Variants in WDR20 observed in about 807,000 individuals in gnomAD.
WDR20 encodes WD repeat-containing protein 20.
Under a neutral mutation model 38.7 loss-of-function variants are expected in WDR20, and 3 were observed. That is an observed-to-expected ratio of 0.08 (90% confidence interval 0.04 to 0.20). WDR20 has a LOEUF of 0.20. WDR20 is among the 10% of genes least tolerant of loss of function. The pLI is 1.00. For missense variants in WDR20, 559 were observed against 727.7 expected (o/e 0.77, Z 2.67); for synonymous variants, 298 against 285.6 (o/e 1.04, Z -0.44).
chr14:102,216,065 G>T (rs1233163122), downstream of WDR20, among the ~76,000 whole-genome samples: 1 of 152,188 alleles, frequency 6.6e-6, no homozygotes, highest in Non-Finnish European at 1.5e-5. Context: ...TTGGCAGCCG[G>T]CTGAGCCCTG....
chr14:102,195,257 A>C, intron 2 of WDR20, 137 bp downstream of exon 2: 4 of 903,564 alleles, frequency 4.4e-6, no homozygotes, highest in Non-Finnish European at 6.6e-6. Context: ...AGTATGCCCA[A>C]GTTTAAATGT....
intron 1 of WDR20, among the ~76,000 whole-genome samples, chr14:102,156,901 G>A (rs1040602546): frequency 4.6e-5 from 7 of 152,158 alleles, no homozygotes; most frequent in African/African-American, 1.7e-4. Context: ...TAAGGCAGGA[G>A]AATTGCTTGA....
chr14:102,210,735 G>A (rs1438469559), downstream of WDR20, among the ~76,000 whole-genome samples: 1 of 152,018 alleles, frequency 6.6e-6, no homozygotes, highest in African/African-American at 2.4e-5. Flanking sequence ...TTTTTTGCCG[G>A]GGGCGGGGAG....
At chr14:102,193,607 T>C in intron 1 of WDR20, 1 of 1,238,212 alleles carries the variant, frequency 8.1e-7, no homozygotes, top group East Asian at 2.5e-5. Context: ...TCCAGACTTC[T>C]ACATGTGCAA....
At chr14:102,175,986 A>G (rs2061972593) in intron 1 of WDR20, among the ~76,000 whole-genome samples, 1 of 152,266 alleles carries the variant, frequency 6.6e-6, no homozygotes, top group East Asian at 1.9e-4. Context: ...ATATGATTAT[A>G]TATCATCAGC....
chr14:102,211,110 G>T (rs1405654457), downstream of WDR20, among the ~76,000 whole-genome samples: 2 of 152,200 alleles, frequency 1.3e-5, no homozygotes, highest in Non-Finnish European at 2.9e-5. This position sits in a 1 kb window ranked among gnomAD's most constrained non-coding sequence, Gnocchi z 4.2. Context: ...GCTGCACCAG[G>T]AGCTGCTTTT....
chr14:102,159,346 C>T (rs1240579595), intron 1 of WDR20, among the ~76,000 whole-genome samples: 1 of 152,142 alleles, frequency 6.6e-6, no homozygotes, highest in Non-Finnish European at 1.5e-5. Context: ...TGTCTCAGCC[C>T]TCAAAGTGTG....
chr14:102,202,574 G>C (rs2060652007), intron 2 of WDR20, among the ~76,000 whole-genome samples: 1 of 151,730 alleles, frequency 6.6e-6, no homozygotes. Context: ...TAGAGACAGG[G>C]TTTCACCATA....
At chr14:102,192,930 C>G (rs1228462591) in intron 1 of WDR20, among the ~76,000 whole-genome samples, 1 of 151,814 alleles carries the variant, frequency 6.6e-6, no homozygotes, top group Non-Finnish European at 1.5e-5. Flanking sequence ...ACCTCAGCCT[C>G]CTGAATAACT....
chr14:102,170,323 T>G (rs1046775955), intron 1 of WDR20, among the ~76,000 whole-genome samples: 5 of 152,246 alleles, frequency 3.3e-5, no homozygotes, highest in Non-Finnish European at 7.3e-5. Flanking sequence ...GCCTTGTTGC[T>G]AGTATATCTG....
rs138281148 is a variant in WDR20 at position 102,139,983 on chromosome 14, G to A, written c.60G>A (p.Arg20=). 3 of 1,614,110 alleles carry A rather than the reference G, an allele frequency of 1.9e-6. No individual in the cohort carries two copies. Among genetic ancestry groups the A allele is most frequent in the South Asian group, 2.2e-5 (2 of 91,092 alleles). Residue 20 remains arginine, a synonymous_variant, in exon 1 of 3, where the codon CGG becomes CGA. Transcript: ENST00000342702. ...MNEIKTQFTT[R]EGLYKLLPHS... is the part of the protein sequence containing the mutation. The stretch of plus-strand genomic sequence containing the variant: ...AGATTAAGACCCAATTCACCACCCG[G>A]GAAGGTCTGTACAAGCTGCTGCCGC...
chr14:102,164,293 C>T (rs1436387605), intron 1 of WDR20, among the ~76,000 whole-genome samples: 1 of 152,118 alleles, frequency 6.6e-6, no homozygotes, highest in East Asian at 1.9e-4. Context: ...TGACTCACAG[C>T]CTTCCTTTCC....
chr14:102,197,873 G>C, intron 2 of WDR20: 1 of 695,666 alleles, frequency 1.4e-6, no homozygotes, highest in Non-Finnish European at 2.6e-6. Flanking sequence ...TTGAACTAGA[G>C]TTGCGGCCAT....
At chr14:102,219,482 G>A (rs2063634241), downstream of WDR20, among the ~76,000 whole-genome samples, 1 of 152,246 alleles carries the variant, frequency 6.6e-6, no homozygotes, top group African/African-American at 2.4e-5. Context: ...TCCAGGGCTT[G>A]TGCCTGCAGG....
chr14:102,204,535 T>C (rs888155129), intron 2 of WDR20, among the ~76,000 whole-genome samples: 3 of 152,178 alleles, frequency 2.0e-5, no homozygotes, highest in African/African-American at 7.2e-5. Flanking sequence ...TTATATTGTA[T>C]CAGTGCCTGG....
In WDR20 at chr14:102,221,334, G is replaced by A. The variant is rs553741851; in HGVS notation, c.1693-1496G>A. On this transcript the variant is annotated intron_variant, in intron 3 of 3. Coordinates refer to the WDR20 transcript ENST00000335263. The surrounding 1 kb of genome is among the most constrained non-coding windows in gnomAD (Gnocchi z 4.8). Reference sequence around the variant, plus strand: ...TGGTTCTGGAGATTTGTCACTTCCTGGACACCACATAGCTTGTGGAAAGCA... The same window carrying A: ...TGGTTCTGGAGATTTGTCACTTCCTAGACACCACATAGCTTGTGGAAAGCA... Among the ~76,000 whole-genome samples, 1 of 152,336 alleles carries A rather than the reference G, an allele frequency of 6.6e-6. No homozygotes were observed. The highest frequency in any genetic ancestry group is 1.9e-4 in the East Asian group (1 of 5,188).
intron 1 of WDR20, among the ~76,000 whole-genome samples, chr14:102,173,059 C>G (rs1390086111): frequency 6.6e-6 from 1 of 150,406 alleles, no homozygotes; most frequent in Non-Finnish European, 1.5e-5. Flanking sequence ...GGATGGCAGC[C>G]GGGAAGAGGC....
chr14:102,188,485 C>A (rs992474312), intron 1 of WDR20, among the ~76,000 whole-genome samples: 1 of 152,136 alleles, frequency 6.6e-6, no homozygotes, highest in Non-Finnish European at 1.5e-5. Flanking sequence ...CTTTGTGGTA[C>A]TGGAAAGAAA....
downstream of WDR20, chr14:102,213,979 C>T: frequency 1.0e-6 from 1 of 985,470 alleles, no homozygotes; most frequent in Non-Finnish European, 1.2e-6. Context: ...GTCTGGCGTC[C>T]AGCTTTGTGG....
Sources: allele counts gnomAD v4.1 joint callset (sites outside exome capture counted in the v4.1 genomes callset), GRCh38; gene constraint gnomAD v4.1.1; non-coding constraint Gnocchi (gnomAD v3.1); transcripts MANE v1.5; gene names NCBI Gene and HGNC (gene_info 2026-07-23, HGNC 2026-07-21).